MOB3B: variants seen among roughly 807,000 people sequenced by gnomAD.
MOB3B encodes the protein MOB kinase activator-like 2B.
MOB3B carries 7 observed loss-of-function variants against 18.7 expected under a neutral mutation model. That is an observed-to-expected ratio of 0.37 (90% CI 0.21 to 0.70). The LOEUF is 0.70. Among genes scored for constraint, MOB3B ranks in the 30% least tolerant of loss-of-function variants. MOB3B has a pLI of 0.52. For missense variants in MOB3B, 253 were observed against 281.3 expected (o/e 0.90, Z 0.72); for synonymous variants, 111 against 99.9 (o/e 1.11, Z -0.66).
At chr9:27,416,823 A>T (rs1387908399) in intron 2 of MOB3B, among the ~76,000 whole-genome samples, 2 of 152,154 alleles carry the variant, frequency 1.3e-5, no homozygotes, top group African/African-American at 4.8e-5. Flanking sequence ...GGCATGAGCC[A>T]CCACGGCTAG....
At chr9:27,374,980 AC>A (rs1821471120) in intron 2 of MOB3B, among the ~76,000 whole-genome samples, 1 of 152,202 alleles carries the variant, frequency 6.6e-6, no homozygotes, top group African/African-American at 2.4e-5. Context: ...CTTCCTTGGG[AC>A]AGGTGTTGGC....
intron 2 of MOB3B, among the ~76,000 whole-genome samples, chr9:27,445,914 C>T (rs866706304): frequency 3.9e-5 from 6 of 152,136 alleles, no homozygotes; most frequent in Non-Finnish European, 8.8e-5. Flanking sequence ...TGCAGCTTCT[C>T]CCTTAATTCT....
intron 1 of MOB3B, among the ~76,000 whole-genome samples, chr9:27,512,244 T>C (rs1195977681): frequency 6.6e-6 from 1 of 152,174 alleles, no homozygotes; most frequent in East Asian, 1.9e-4. Context: ...CTATCATGTT[T>C]AGGCCATCCT....
At chr9:27,377,957 G>A (rs1477792828) in intron 2 of MOB3B, among the ~76,000 whole-genome samples, 1 of 152,170 alleles carries the variant, frequency 6.6e-6, no homozygotes, top group African/African-American at 2.4e-5. Flanking sequence ...CAGGTAGTGG[G>A]GTAAGAAATC....
chr9:27,496,415 G>A (rs1297687020), intron 1 of MOB3B, among the ~76,000 whole-genome samples: 2 of 152,180 alleles, frequency 1.3e-5, no homozygotes, highest in Non-Finnish European at 2.9e-5. Context: ...CAGGTTATTC[G>A]ATTGGTCAGT....
At chr9:27,424,522 G>A (rs748541238) in intron 2 of MOB3B, among the ~76,000 whole-genome samples, 13 of 152,212 alleles carry the variant, frequency 8.5e-5, no homozygotes, top group East Asian at 3.9e-4. Flanking sequence ...CCAGAACTGC[G>A]AGGAAGATAA....
At chr9:27,513,932 G>C (rs1215942037) in intron 1 of MOB3B, among the ~76,000 whole-genome samples, 1 of 125,664 alleles carries the variant, frequency 8.0e-6, no homozygotes, top group Non-Finnish European at 1.8e-5. Flanking sequence ...TGGATGGTGG[G>C]TGGGTGGATG....
intron 2 of MOB3B, among the ~76,000 whole-genome samples, chr9:27,369,880 T>C (rs913169553): frequency 2.6e-5 from 4 of 151,850 alleles, no homozygotes; most frequent in East Asian, 1.9e-4. Context: ...GGTAGGCATA[T>C]CATAACACCC....
chr9:27,433,749 T>C (rs1173812809), intron 2 of MOB3B, among the ~76,000 whole-genome samples: 1 of 152,146 alleles, frequency 6.6e-6, no homozygotes, highest in Non-Finnish European at 1.5e-5. Context: ...GTGCATGGGA[T>C]TCTTAATTTA....
chr9:27,498,553 G>T (rs137868269), intron 1 of MOB3B, among the ~76,000 whole-genome samples: 2,637 of 152,298 alleles, frequency 0.017, 42 homozygotes, highest in Non-Finnish European at 0.026. Context: ...CAAGGTAGCA[G>T]TACCCTAGGT....
At chr9:27,520,157 T>C (rs576614386) in intron 1 of MOB3B, among the ~76,000 whole-genome samples, 23 of 152,326 alleles carry the variant, frequency 1.5e-4, no homozygotes, top group African/African-American at 5.5e-4. Context: ...AGATGCCAAA[T>C]GCCCCTCAGC....
chr9:27,359,139 C>G lies in MOB3B; in HGVS notation c.516G>C (p.Arg172=), dbSNP rs1039969501. 2 of 1,614,056 alleles carry G rather than the reference C, an allele frequency of 1.2e-6. No individual in the cohort carries two copies. Among genetic ancestry groups the G allele is most frequent in the Non-Finnish European group, 1.7e-6 (2 of 1,180,022 alleles). ...FVHVYIHHFD[R]VIVMGAEAHV... is the part of the protein sequence containing the mutation. ...GGGCCTCTGCACCCATCACAATGACCCGGTCGAAGTGGTGGATATAGACGT... is the reference window on the plus strand; with the variant it reads ...GGGCCTCTGCACCCATCACAATGACGCGGTCGAAGTGGTGGATATAGACGT... The change falls in exon 3 of 4, where the codon CGG becomes CGC. Residue 172 remains arginine, a synonymous_variant. Coordinates refer to ENST00000262244, the MANE Select transcript of MOB3B (RefSeq NM_024761.5).
chr9:27,438,977 C>T (rs567193949), intron 2 of MOB3B, among the ~76,000 whole-genome samples: 47 of 152,204 alleles, frequency 3.1e-4, no homozygotes, highest in Admixed American at 2.7e-3. Context: ...GGAGCCTCAA[C>T]GGTTTATTGA....
intron 1 of MOB3B, among the ~76,000 whole-genome samples, chr9:27,495,744 T>C (rs984696590): frequency 6.6e-6 from 1 of 152,244 alleles, no homozygotes; most frequent in Non-Finnish European, 1.5e-5. Flanking sequence ...ACTAACTTCA[T>C]ATATTACCAG....
chr9:27,406,440 G>A (rs2131397463), intron 2 of MOB3B, among the ~76,000 whole-genome samples: 1 of 152,214 alleles, frequency 6.6e-6, no homozygotes, highest in African/African-American at 2.4e-5. Context: ...GCAATCCTGG[G>A]CAAAAAGAAC....
chr9:27,368,389 C>CA (rs2131364458), intron 2 of MOB3B, among the ~76,000 whole-genome samples: 1 of 150,578 alleles, frequency 6.6e-6, no homozygotes, highest in South Asian at 2.1e-4. Flanking sequence ...CACACACATA[C>CA]AGAGAGGGAG....
intron 1 of MOB3B, among the ~76,000 whole-genome samples, chr9:27,473,323 G>A (rs1819502149): frequency 6.6e-6 from 1 of 152,134 alleles, no homozygotes; most frequent in South Asian, 2.1e-4. Context: ...TCTGAGGGAG[G>A]CAAAGGGGGA....
intron 2 of MOB3B, among the ~76,000 whole-genome samples, chr9:27,431,332 C>T (rs565291455): frequency 1.3e-5 from 2 of 152,280 alleles, no homozygotes; most frequent in African/African-American, 4.8e-5. Flanking sequence ...TCCTTCCAAA[C>T]AGGCCTAGTG....
At chr9:27,410,149 C>T (rs1470576928) in intron 2 of MOB3B, among the ~76,000 whole-genome samples, 4 of 152,096 alleles carry the variant, frequency 2.6e-5, no homozygotes, top group Admixed American at 2.0e-4. Flanking sequence ...TAGAAGAAAT[C>T]GATCCAAGAA....
Sources: gnomAD v4.1 joint callset for allele counts (sites outside exome capture counted in the v4.1 genomes callset) on GRCh38, gnomAD v4.1.1 for gene constraint, MANE v1.5 for transcripts, NCBI Gene and HGNC (gene_info 2026-07-23, HGNC 2026-07-21) for gene names.